The following SESN1 variants were observed in gnomAD, a reference collection of about 807,000 sequenced individuals.
SESN1 encodes sestrin-1.
In SESN1, 30 loss-of-function variants were observed where a neutral mutation model predicts 59.3. That is an observed-to-expected ratio of 0.51 (90% CI 0.38 to 0.69). SESN1 has a LOEUF of 0.69. SESN1 is among the 30% of genes least tolerant of loss of function. The pLI, the probability that SESN1 is intolerant of heterozygous loss-of-function variation, is 0.00. For synonymous variants in SESN1, 197 were observed against 219.9 expected (o/e 0.90, Z 0.92); for missense variants, 566 against 673.0 (o/e 0.84, Z 1.76).
intron 4 of SESN1, 158 bp from the exon 5 acceptor site, chr6:108,998,913 T>A: frequency 1.5e-6 from 1 of 677,416 alleles, no homozygotes; most frequent in South Asian, 2.4e-5. Context: ...TTTGCTAATT[T>A]TTATGAATAT....
At chr6:109,034,625 G>A (rs1182023263) in intron 1 of SESN1, among the ~76,000 whole-genome samples, 2 of 152,198 alleles carry the variant, frequency 1.3e-5, no homozygotes, top group South Asian at 2.1e-4. Context: ...AGCTTTCCTT[G>A]AAGCTGGGTG....
In SESN1 at chr6:109,057,039, T is replaced by C. The variant is rs557090213; in HGVS notation, c.279+36756A>G. Among the ~76,000 whole-genome samples, 4 of 152,154 alleles carry C rather than the reference T, an allele frequency of 2.6e-5. No individual in the cohort carries two copies. The South Asian group carries it at 6.2e-4, about 24-fold the overall frequency. Reference sequence around the variant, plus strand: ...CTTGAACCCTGTAGAGAGATCCCTATGGTAAGGAACTGAATTCTCCTGCTG... The same window carrying C: ...CTTGAACCCTGTAGAGAGATCCCTACGGTAAGGAACTGAATTCTCCTGCTG... On this transcript the variant is annotated intron_variant, in intron 1 of 9. Transcript: ENST00000436639.
At chr6:109,062,774 T>C (rs538928261) in intron 1 of SESN1, among the ~76,000 whole-genome samples, 30 of 152,244 alleles carry the variant, frequency 2.0e-4, no homozygotes, top group African/African-American at 7.0e-4. Flanking sequence ...ATAGCTATGA[T>C]AAAGTTTAAT....
At position 108,992,774 on chromosome 6, in the gene SESN1, G is replaced by A. The variant is rs537637057; in HGVS notation, c.1233+13C>T. 1 of 1,517,170 alleles carries A rather than the reference G, an allele frequency of 6.6e-7. No individual in the cohort carries two copies. The highest frequency in any genetic ancestry group is 1.4e-5 in the African/African-American group (1 of 73,114). The allele number at this position is 1,517,170 out of a possible 1,614,324, so 94.0% of individuals were successfully genotyped here. A position where few individuals can be genotyped will look rare whatever the true frequency, so the allele number is the denominator to read the frequency against. On this transcript the variant is annotated intron_variant, in intron 7 of 9. Transcript: ENST00000436639. Reference sequence around the variant, plus strand: ...TTTCTAGTCAATCATGTGCATACAAGTTGCAATTTTACCTGGACACGAAAT... The same window carrying A: ...TTTCTAGTCAATCATGTGCATACAAATTGCAATTTTACCTGGACACGAAAT...
intron 1 of SESN1, among the ~76,000 whole-genome samples, chr6:109,011,389 T>C (rs1779855748): frequency 6.6e-6 from 1 of 152,092 alleles, no homozygotes; most frequent in Non-Finnish European, 1.5e-5. Context: ...AAAAGAAAAA[T>C]AATTTTAATT....
intron 1 of SESN1, among the ~76,000 whole-genome samples, chr6:109,082,030 TACAA>T (rs541189899): frequency 1.9e-3 from 286 of 152,326 alleles, no homozygotes; most frequent in Middle Eastern, 6.8e-3. Context: ...AATACCGGCA[TACAA>T]ACAATCACTT....
intron 1 of SESN1, among the ~76,000 whole-genome samples, chr6:109,016,587 T>G (rs908836018): frequency 7.9e-5 from 12 of 152,334 alleles, no homozygotes; most frequent in African/African-American, 2.9e-4. Context: ...CACTGAACTT[T>G]CCTGTCTGTT....
In SESN1 at chr6:109,028,742, C is replaced by T. The variant is rs1242766506; in HGVS notation, c.280-26399G>A. 3.9e-5 allele frequency among the ~76,000 whole-genome samples: 6 copies of T among 152,078 alleles called. No individual in the cohort carries two copies. The East Asian group carries it at 7.7e-4, about 20-fold the overall frequency. Reference sequence around the variant, plus strand: ...ATCTACTACTTAAAAATAATTGCCCCGATCTCAGAACTGGCACAGAACAAA... The same window carrying T: ...ATCTACTACTTAAAAATAATTGCCCTGATCTCAGAACTGGCACAGAACAAA... On this transcript the variant is annotated intron_variant, in intron 1 of 9. Transcript: ENST00000436639.
At chr6:108,989,720 G>T (rs1779323317) in intron 8 of SESN1, among the ~76,000 whole-genome samples, 1 of 152,062 alleles carries the variant, frequency 6.6e-6, no homozygotes, top group Non-Finnish European at 1.5e-5. Flanking sequence ...AAAAGGCAGG[G>T]GCTGCGAGGA....
chr6:109,080,588 TG>T (rs1781104819), intron 1 of SESN1, among the ~76,000 whole-genome samples: 1 of 152,218 alleles, frequency 6.6e-6, no homozygotes. Context: ...TCTGAGAATG[TG>T]GTTTCCCCTA....
At position 109,058,580 on chromosome 6, in the gene SESN1, T is replaced by TAGATGCCAAA. The variant is rs1780676046; in HGVS notation, c.279+35205_279+35214dup. Among the ~76,000 whole-genome samples the TAGATGCCAAA allele has an allele frequency of 1.3e-5, 2 of 150,754 alleles. 1 individual carries two copies. Among genetic ancestry groups the TAGATGCCAAA allele is most frequent in the South Asian group, 4.1e-4 (2 of 4,834 alleles). On this transcript the variant is annotated intron_variant, in intron 1 of 9. Coordinates refer to ENST00000436639, the MANE Select transcript of SESN1 (RefSeq NM_014454.3). ...GTCCTCCTAACTGCTTATCTCTCTC[T>TAGATGCCAAA]AGATGCCAAAAGATGCCAAACATTG...
chr6:109,075,307 G>A (rs1476890971), intron 1 of SESN1, among the ~76,000 whole-genome samples: 1 of 152,104 alleles, frequency 6.6e-6, no homozygotes, highest in Non-Finnish European at 1.5e-5. Flanking sequence ...GATCCTCCTG[G>A]TATTCACTCT....
intron 5 of SESN1, 34 bp downstream of exon 5, chr6:108,998,479 G>C: frequency 6.2e-7 from 1 of 1,610,582 alleles, no homozygotes; most frequent in Non-Finnish European, 8.5e-7. Context: ...ATTGTGATTA[G>C]TTTTATGACA....
At chr6:109,027,884 T>C (rs2114386317) in intron 1 of SESN1, among the ~76,000 whole-genome samples, 1 of 152,244 alleles carries the variant, frequency 6.6e-6, no homozygotes, top group African/African-American at 2.4e-5. Flanking sequence ...ATTTGTGAAG[T>C]ATCAGTTCAA....
In SESN1 at chr6:108,986,184, T is replaced by G. The variant is rs182949695; in HGVS notation, c.*1360A>C. Among the ~76,000 whole-genome samples, 1 of 152,332 alleles carries G rather than the reference T, an allele frequency of 6.6e-6. No homozygotes were observed. The highest frequency in any genetic ancestry group is 1.5e-5 in the Non-Finnish European group (1 of 68,034). ...CTAATGAATCCTTCTTTTTAGTAAT[T>G]CTTAAAATTCTATTGGAACTCTAAA... On this transcript the variant is annotated 3_prime_UTR_variant, in exon 10 of 10. Transcript: ENST00000436639.
At chr6:109,047,760 T>C (rs1780476459) in intron 1 of SESN1, among the ~76,000 whole-genome samples, 1 of 143,706 alleles carries the variant, frequency 7.0e-6, no homozygotes, top group African/African-American at 2.5e-5. Flanking sequence ...AGAAAAATTC[T>C]TCTGCCTTGG....
intron 1 of SESN1, among the ~76,000 whole-genome samples, chr6:109,070,315 G>A (rs1662368193): frequency 6.6e-6 from 1 of 152,154 alleles, no homozygotes; most frequent in South Asian, 2.1e-4. Flanking sequence ...TGGAACCGTA[G>A]GAATCTCTAC....
At chr6:108,988,754 A>G in intron 8 of SESN1, 67 bp from the exon 9 acceptor site, 1 of 1,257,204 alleles carries the variant, frequency 8.0e-7, no homozygotes, top group Non-Finnish European at 1.1e-6. Context: ...TTACAAAAGT[A>G]TACACATCAA....
rs751190599 is a variant in SESN1 at position 108,998,775 on chromosome 6, A to G, written c.730-20T>C. On this transcript the variant is annotated intron_variant, in intron 4 of 9. Transcript: ENST00000436639. Reference sequence around the variant, plus strand: ...AAGTCCCTTAGGGGGAAAAAAAAAAAGAATATATTTTTGTACTGGGGTGTG... The same window carrying G: ...AAGTCCCTTAGGGGGAAAAAAAAAAGGAATATATTTTTGTACTGGGGTGTG... The G allele has an allele frequency of 3.1e-6, 5 of 1,589,758 alleles. No homozygotes were observed. Among genetic ancestry groups the G allele is most frequent in the East Asian group, 2.2e-5 (1 of 44,524 alleles).
Sources: allele counts gnomAD v4.1 joint callset (sites outside exome capture counted in the v4.1 genomes callset), GRCh38; gene constraint gnomAD v4.1.1; transcripts MANE v1.5; gene names NCBI Gene and HGNC (gene_info 2026-07-23, HGNC 2026-07-21).